Variants in SOCS4 observed in about 807,000 individuals in gnomAD.
SOCS4 encodes the protein suppressor of cytokine signaling 4.
Under a neutral mutation model 34.1 loss-of-function variants are expected in SOCS4, and 20 were observed. That is an observed-to-expected ratio of 0.59 (90% CI 0.41 to 0.85). The LOEUF is 0.85. Ranked by LOEUF, SOCS4 falls within the 40% of genes least tolerant of loss-of-function variation. The probability of loss-of-function intolerance (pLI) is 0.00; values close to 1 mark genes in which losing one functional copy is unlikely to be tolerated. For synonymous variants in SOCS4, 180 were observed against 186.4 expected, an observed-to-expected ratio of 0.97 and a Z score of 0.28; for missense variants, 479 against 532.4, an observed-to-expected ratio of 0.90 and a Z score of 0.99.
At position 55,044,392 on chromosome 14, in the gene SOCS4, A is replaced by G; in HGVS notation, c.*28A>G. ...ACAGGATGGGAACATGGGAATGATA[A>G]TATATATTTTTTCTTTTAATATTTT... On this transcript the variant is annotated 3_prime_UTR_variant, in exon 3 of 3. Coordinates refer to ENST00000555846, the MANE Select transcript of SOCS4 (RefSeq NM_199421.2). The G allele has an allele frequency of 1.5e-6, 2 of 1,364,636 alleles. No individual in the cohort carries two copies. The highest frequency in any genetic ancestry group is 1.9e-6 in the Non-Finnish European group (2 of 1,050,112). 84.5% of individuals were successfully genotyped at this position (1,364,636 alleles called of 1,614,324 possible). A position where few individuals can be genotyped will look rare whatever the true frequency, so the allele number is the denominator to read the frequency against.
At chr14:55,034,331 G>A (rs2042553796) in intron 2 of SOCS4, among the ~76,000 whole-genome samples, 1 of 152,042 alleles carries the variant, frequency 6.6e-6, no homozygotes, top group Non-Finnish European at 1.5e-5. Context: ...GTATGTTTTA[G>A]ACAAATATAA....
Position 55,031,955 on chromosome 14 carries a change from G to C in SOCS4, c.-127G>C, listed in dbSNP as rs913448381. 5 of 152,180 alleles carry C rather than the reference G, an allele frequency of 3.3e-5. No individual in the cohort carries two copies. In the East Asian group the frequency reaches 5.8e-4, roughly 18 times the overall value. 9.4% of individuals were successfully genotyped at this position (152,180 alleles called of 1,614,324 possible). A position where few individuals can be genotyped will look rare whatever the true frequency, so the allele number is the denominator to read the frequency against. Reference sequence around the variant, plus strand: ...ACTCAAATATCAAGGACTATGATCAGAATGCTTTCAAGGAGTTTTTGGGCA... The same window carrying C: ...ACTCAAATATCAAGGACTATGATCACAATGCTTTCAAGGAGTTTTTGGGCA... On this transcript the variant is annotated 5_prime_UTR_variant, in exon 2 of 3. Transcript: ENST00000555846.
chr14:55,043,772 G>C lies in SOCS4; in HGVS notation c.731G>C (p.Arg244Thr), dbSNP rs1202512797. Residue 244 changes from arginine (R) to threonine (T), a missense_variant, in exon 3 of 3, where the codon AGA becomes ACA. Coordinates refer to ENST00000555846, the MANE Select transcript of SOCS4 (RefSeq NM_199421.2). ...ACACTTTGCACAAGTTCCAGAAAAAGAAACAAACCCAAATGGGATTTGGAT... is the reference window on the plus strand; with the variant it reads ...ACACTTTGCACAAGTTCCAGAAAAACAAACAAACCCAAATGGGATTTGGAT... ...ILTLCTSSRK[R>T]NKPKWDLDDE... 6.2e-7 allele frequency: 1 copy of C among 1,614,052 alleles called. No individual in the cohort carries two copies. Among genetic ancestry groups the C allele is most frequent in the African/African-American group, 1.3e-5 (1 of 75,006 alleles).
chr14:55,030,879 T>C (rs2042522630), intron 1 of SOCS4, among the ~76,000 whole-genome samples: 1 of 152,142 alleles, frequency 6.6e-6, no homozygotes, highest in Admixed American at 6.5e-5. Context: ...ACAGTGTAGG[T>C]TGTTAATTTT....
In SOCS4 at chr14:55,046,782, G is replaced by A. The variant is rs1199173369; in HGVS notation, c.*2418G>A. ...ACAGTGAAAAGAAGTTTGGAAAGTA[G>A]ATACATAAAGACTTGAGAAGGGAAT... On this transcript the variant is annotated 3_prime_UTR_variant, in exon 3 of 3. Transcript: ENST00000555846. The A allele has an allele frequency of 6.0e-6, 1 of 166,940 alleles. No homozygotes were observed. Among genetic ancestry groups the A allele is most frequent in the East Asian group, 1.9e-4 (1 of 5,200 alleles). 10.3% of individuals were successfully genotyped at this position (166,940 alleles called of 1,614,324 possible). A position where few individuals can be genotyped will look rare whatever the true frequency, so the allele number is the denominator to read the frequency against.
chr14:55,037,308 C>G (rs2140245526), intron 2 of SOCS4, among the ~76,000 whole-genome samples: 1 of 151,896 alleles, frequency 6.6e-6, no homozygotes, highest in East Asian at 2.0e-4. Context: ...CTGTGCCCAG[C>G]TAATTTTTGT....
At chr14:55,040,898 T>C (rs535171519) in intron 2 of SOCS4, among the ~76,000 whole-genome samples, 181 of 152,002 alleles carry the variant, frequency 1.2e-3, no homozygotes, top group Non-Finnish European at 1.1e-3. Context: ...GATGGTTTTT[T>C]TTTTTTTTTT....
At chr14:55,042,924 G>A (rs947432609) in intron 2 of SOCS4, 28 bp from the exon 3 acceptor site, 4 of 888,568 alleles carry the variant, frequency 4.5e-6, no homozygotes, top group Non-Finnish European at 6.7e-6. Flanking sequence ...ATGACAAATG[G>A]TTAATGACTT....
In SOCS4 at chr14:55,044,110, A is replaced by G. The variant is rs1490681967; in HGVS notation, c.1069A>G (p.Ile357Val). 8 of 1,613,994 alleles carry G rather than the reference A, an allele frequency of 5.0e-6. No individual in the cohort carries two copies. The highest frequency in any genetic ancestry group is 1.1e-5 in the South Asian group (1 of 91,082). The change falls in exon 3 of 3, where the codon ATT becomes GTT. Residue 357 changes from isoleucine to valine, a missense_variant. Ile to Val is a conservative substitution (Grantham distance 29, BLOSUM62 3). Coordinates refer to ENST00000555846, the MANE Select transcript of SOCS4 (RefSeq NM_199421.2). ...CCCCTGTGTCTTCCATTCTCCTGAC[A>G]TTACTGGGCTCCTAGAACATTATAA... ...HDPCVFHSPD[I>V]TGLLEHYKDP...
At chr14:55,037,995 G>A (rs2042588090) in intron 2 of SOCS4, among the ~76,000 whole-genome samples, 1 of 152,116 alleles carries the variant, frequency 6.6e-6, no homozygotes, top group African/African-American at 2.4e-5. Context: ...ACATACCCAA[G>A]ACTGAGTAAT....
At chr14:55,030,841 T>G (rs1231481399) in intron 1 of SOCS4, among the ~76,000 whole-genome samples, 2 of 152,192 alleles carry the variant, frequency 1.3e-5, no homozygotes, top group East Asian at 3.8e-4. Flanking sequence ...CTTCACCATG[T>G]TTATTTTCAA....
intron 1 of SOCS4, among the ~76,000 whole-genome samples, chr14:55,028,880 G>C (rs1234106388): frequency 6.6e-6 from 1 of 152,098 alleles, no homozygotes; most frequent in African/African-American, 2.4e-5. Context: ...CTCTAAAATG[G>C]AGATGACACC....
chr14:55,043,312 C>G lies in SOCS4; in HGVS notation c.271C>G (p.Leu91Val), dbSNP rs1449507863. ...TGGGCATCGATTTTTAGGCCGATCT[C>G]TTAAACAGAAACTGCAAGATGCCGT... ...SCGHRFLGRS[L>V]KQKLQDAVGQ... is the part of the protein sequence containing the mutation. The change falls in exon 3 of 3, where the codon CTT becomes GTT. Residue 91 changes from leucine (L) to valine (V), a missense_variant. Coordinates refer to ENST00000555846, the MANE Select transcript of SOCS4 (RefSeq NM_199421.2). 2 of 1,614,076 alleles carry G rather than the reference C, an allele frequency of 1.2e-6. No homozygotes were observed. The highest frequency in any genetic ancestry group is 2.7e-5 in the African/African-American group (2 of 74,936).
rs1179181739 is a variant in SOCS4 at position 55,048,694 on chromosome 14, G to A, written c.*4330G>A. ...ATTAATGGATATAACCCAATAGAAA[G>A]GGATTTTCAAATAAAACCAAAGTCT... is the stretch of plus-strand genomic sequence containing the variant. On this transcript the variant is annotated 3_prime_UTR_variant, in exon 3 of 3. Coordinates refer to ENST00000555846, the MANE Select transcript of SOCS4 (RefSeq NM_199421.2). The A allele has an allele frequency of 6.0e-6, 1 of 167,010 alleles. No homozygotes were observed. Among genetic ancestry groups the A allele is most frequent in the Non-Finnish European group, 1.5e-5 (1 of 68,104 alleles). The allele number at this position is 167,010 out of a possible 1,614,324, so 10.3% of individuals were successfully genotyped here.
At chr14:55,040,553 G>A (rs539050375) in intron 2 of SOCS4, among the ~76,000 whole-genome samples, 1 of 152,250 alleles carries the variant, frequency 6.6e-6, no homozygotes, top group East Asian at 1.9e-4. Context: ...GACCATCCTG[G>A]CTAACACAGT....
chr14:55,032,685 A>G (rs2140242792), intron 2 of SOCS4, among the ~76,000 whole-genome samples: 1 of 152,324 alleles, frequency 6.6e-6, no homozygotes, highest in South Asian at 2.1e-4. Context: ...GCTACAGTCA[A>G]AGATCTTTGA....
At chr14:55,040,106 A>T (rs2042604547) in intron 2 of SOCS4, among the ~76,000 whole-genome samples, 1 of 152,234 alleles carries the variant, frequency 6.6e-6, no homozygotes, top group African/African-American at 2.4e-5. Flanking sequence ...GTTGCTTCTA[A>T]TTTTTGTTCA....
chr14:55,030,179 G>C (rs1187875), intron 1 of SOCS4, among the ~76,000 whole-genome samples: 150,606 of 152,256 alleles, frequency 0.99, 74,502 homozygotes, highest in Middle Eastern at 1. Flanking sequence ...AACATAAAGT[G>C]TAGAGTCACC....
In SOCS4 at chr14:55,044,269, C is replaced by T. The variant is rs1324555807; in HGVS notation, c.1228C>T (p.Pro410Ser). 6.2e-7 allele frequency: 1 copy of T among 1,613,954 alleles called. No homozygotes were observed. Among genetic ancestry groups the T allele is most frequent in the Admixed American group, 1.7e-5 (1 of 60,012 alleles). The change falls in exon 3 of 3, where the codon CCA becomes TCA. Residue 410 changes from proline (P) to serine (S), a missense_variant. Physicochemically the swap from Pro to Ser is moderately conservative, Grantham distance 74 (BLOSUM62 -1). Coordinates refer to ENST00000555846, the MANE Select transcript of SOCS4 (RefSeq NM_199421.2). Reference protein sequence around the residue: ...CTTYDGIDALPIPSSMKLYLK... With the variant: ...CTTYDGIDALSIPSSMKLYLK... ...AACTTATGATGGCATCGATGCCCTT[C>T]CAATTCCTTCTTCTATGAAATTATA... is the stretch of plus-strand genomic sequence containing the variant.
Sources: gnomAD v4.1 joint callset for allele counts (sites outside exome capture counted in the v4.1 genomes callset) on GRCh38, gnomAD v4.1.1 for gene constraint, MANE v1.5 for transcripts, NCBI Gene and HGNC (gene_info 2026-07-23, HGNC 2026-07-21) for gene names.